RBFOX1: variants seen among roughly 807,000 people sequenced by gnomAD.
The protein encoded by RBFOX1 is RNA binding fox-1 homolog 1, also known as RNA binding protein fox-1 homolog 1.
Under a neutral mutation model 57.7 loss-of-function variants are expected in RBFOX1, and 8 were observed. The observed-to-expected ratio is 0.14, with a 90% confidence interval of 0.08 to 0.25. RBFOX1 has a LOEUF of 0.25. Ranked by LOEUF, RBFOX1 falls within the 10% of genes least tolerant of loss-of-function variation. The probability of loss-of-function intolerance (pLI) is 1.00; values close to 1 mark genes in which losing one functional copy is unlikely to be tolerated. For missense variants in RBFOX1, 611 were observed against 548.5 expected (o/e 1.11, Z -1.14); for synonymous variants, 326 against 222.4 (o/e 1.47, Z -4.15).
At chr16:5,425,597 C>A (rs550807332) in intron 1 of RBFOX1, among the ~76,000 whole-genome samples, 7 of 152,286 alleles carry the variant, frequency 4.6e-5, no homozygotes, top group African/African-American at 1.7e-4. Context: ...TTCCCACATC[C>A]AAGAAAGAGA....
upstream of RBFOX1, chr16:5,239,753 C>A: frequency 5.8e-6 from 1 of 171,104 alleles, no homozygotes; most frequent in Non-Finnish European, 1.2e-5. Flanking sequence ...GCGGAGGAGC[C>A]CGCGCCGGCC....
At chr16:6,526,796 C>A (rs938806516) in intron 2 of RBFOX1, among the ~76,000 whole-genome samples, 1 of 134,418 alleles carries the variant, frequency 7.4e-6, no homozygotes, top group Non-Finnish European at 1.5e-5. Context: ...CACTACCACA[C>A]TCCACCCTTG....
intron 1 of RBFOX1, among the ~76,000 whole-genome samples, chr16:5,454,876 TTCTTTCTTTCTTTCTTTC>T (rs2068549765): frequency 8.3e-6 from 1 of 120,236 alleles, no homozygotes; most frequent in Non-Finnish European, 1.8e-5. Flanking sequence ...CTTTCTTTCT[TTCTTTCTTTCTTTCTTTC>T]TTTCTTTCTT....
intron 1 of RBFOX1, among the ~76,000 whole-genome samples, chr16:6,256,261 A>G (rs570794983): frequency 0.023 from 2,384 of 105,010 alleles, 207 homozygotes; most frequent in Middle Eastern, 0.027. Context: ...ATATATGTGT[A>G]TATATATATG....
chr16:5,925,042 A>G (rs2058913417), intron 4 of RBFOX1, among the ~76,000 whole-genome samples: 4 of 152,174 alleles, frequency 2.6e-5, no homozygotes, highest in Admixed American at 2.6e-4. Context: ...TTTAGCACAG[A>G]CACCTACTGA....
chr16:5,599,633 G>A (rs556154096), exon 3 of RBFOX1: 36 of 189,130 alleles, frequency 1.9e-4, no homozygotes, highest in African/African-American at 7.9e-4. Context: ...ACAGACTGTT[G>A]CTGTTTGGTA....
chr16:7,115,117 G>A (rs983415200), intron 4 of RBFOX1, among the ~76,000 whole-genome samples: 3 of 152,204 alleles, frequency 2.0e-5, no homozygotes, highest in Non-Finnish European at 4.4e-5. Flanking sequence ...AATATCCTTC[G>A]ATTAAGTTTC....
At chr16:7,571,572 T>A (rs528502467) in intron 5 of RBFOX1, among the ~76,000 whole-genome samples, 2 of 152,304 alleles carry the variant, frequency 1.3e-5, no homozygotes, top group East Asian at 3.9e-4. Context: ...TCTTAACATT[T>A]ATAACCTGCG....
intron 4 of RBFOX1, among the ~76,000 whole-genome samples, chr16:7,071,744 A>G (rs115960858): frequency 0.01 from 1,535 of 152,172 alleles, 30 homozygotes; most frequent in African/African-American, 0.035. Context: ...TGTTTATTTT[A>G]ACTTAAATAT....
At chr16:5,659,731 G>A (rs924319038) in intron 3 of RBFOX1, among the ~76,000 whole-genome samples, 1 of 152,184 alleles carries the variant, frequency 6.6e-6, no homozygotes, top group African/African-American at 2.4e-5. Flanking sequence ...TAACTGATAA[G>A]TTAAAGAGTT....
At position 7,384,915 on chromosome 16, in the gene RBFOX1, A is replaced by C. The variant is rs1012527702; in HGVS notation, c.28-133232A>C. Among the ~76,000 whole-genome samples the C allele has an allele frequency of 2.6e-5, 4 of 152,214 alleles. No individual in the cohort carries two copies. The East Asian group carries it at 7.7e-4, about 29-fold the overall frequency. ...GGTTAGTGACAGGTGCAAGTCAGAT[A>C]ATTAAAACAGAGAGTGGTGGGGAGC... On this transcript the variant is annotated intron_variant, in intron 4 of 15. Coordinates refer to ENST00000550418, the MANE Select transcript of RBFOX1 (RefSeq NM_018723.4).
intron 1 of RBFOX1, among the ~76,000 whole-genome samples, chr16:6,221,479 T>A (rs1227560292): frequency 6.6e-6 from 1 of 152,240 alleles, no homozygotes; most frequent in East Asian, 1.9e-4. Context: ...AAAAGCCACA[T>A]ATTTCCAAAG....
At chr16:5,505,633 G>A (rs1324784405) in intron 2 of RBFOX1, among the ~76,000 whole-genome samples, 1 of 152,168 alleles carries the variant, frequency 6.6e-6, no homozygotes, top group African/African-American at 2.4e-5. Context: ...CCCTGGGTGA[G>A]TGCCTGTGTC....
At chr16:6,792,063 C>A (rs2083075612) in intron 3 of RBFOX1, among the ~76,000 whole-genome samples, 1 of 152,060 alleles carries the variant, frequency 6.6e-6, no homozygotes, top group East Asian at 1.9e-4. Flanking sequence ...CACGAACTAT[C>A]ACATATATTA....
intron 2 of RBFOX1, among the ~76,000 whole-genome samples, chr16:6,512,086 C>T (rs1015279442): frequency 2.0e-5 from 3 of 149,640 alleles, no homozygotes; most frequent in African/African-American, 7.4e-5. Context: ...GTGTATGCAA[C>T]ATAGTAAGAC....
At chr16:6,650,443 A>G (rs1410454876) in intron 2 of RBFOX1, among the ~76,000 whole-genome samples, 2 of 152,208 alleles carry the variant, frequency 1.3e-5, no homozygotes, top group Non-Finnish European at 2.9e-5. Flanking sequence ...TTCTGGTTAC[A>G]GATTTAAGCT....
At chr16:6,468,765 T>C (rs886779846) in intron 2 of RBFOX1, among the ~76,000 whole-genome samples, 1 of 152,168 alleles carries the variant, frequency 6.6e-6, no homozygotes, top group Non-Finnish European at 1.5e-5. Context: ...GCCTTTTTTA[T>C]TTCTAATTTT....
At chr16:6,221,011 CATTAT>C (rs1272767977) in intron 1 of RBFOX1, among the ~76,000 whole-genome samples, 1 of 151,720 alleles carries the variant, frequency 6.6e-6, no homozygotes, top group Non-Finnish European at 1.5e-5. Context: ...ATTTAATTGT[CATTAT>C]ATTAGGTGAA....
chr16:6,353,221 C>T (rs961554512), intron 2 of RBFOX1, among the ~76,000 whole-genome samples: 1 of 152,088 alleles, frequency 6.6e-6, no homozygotes, highest in African/African-American at 2.4e-5. Flanking sequence ...ATGGGAAATG[C>T]TGCCGCTTTT....
Sources: gnomAD v4.1 joint callset for allele counts (sites outside exome capture counted in the v4.1 genomes callset) on GRCh38, gnomAD v4.1.1 for gene constraint, MANE v1.5 for transcripts, NCBI Gene and HGNC (gene_info 2026-07-23, HGNC 2026-07-21) for gene names.